The following MAML3 variants were observed in gnomAD, a reference collection of about 807,000 sequenced individuals.
MAML3 encodes mastermind-like protein 3.
MAML3 carries 27 observed loss-of-function variants against 101.9 expected under a neutral mutation model. That is an observed-to-expected ratio of 0.27 (90% CI 0.20 to 0.37). The LOEUF is 0.37. Ranked by LOEUF, MAML3 falls within the 10% of genes least tolerant of loss-of-function variation. The pLI is 1.00. For synonymous variants in MAML3, 501 were observed against 555.9 expected (o/e 0.90, Z 1.39); for missense variants, 1,316 against 1,444.9 (o/e 0.91, Z 1.45).
In MAML3 at chr4:139,735,538, C is replaced by A. The variant is rs1728903108; in HGVS notation, c.2080-4871G>T. Among the ~76,000 whole-genome samples the A allele has an allele frequency of 6.6e-6, 1 of 152,062 alleles. No homozygotes were observed. Among genetic ancestry groups the A allele is most frequent in the Admixed American group, 6.5e-5 (1 of 15,278 alleles). On this transcript the variant is annotated intron_variant, in intron 2 of 4. Coordinates refer to ENST00000509479, the MANE Select transcript of MAML3 (RefSeq NM_018717.5). The surrounding 1 kb of genome is among the most constrained non-coding windows in gnomAD (Gnocchi z 5.8). ...CGGGAGGGACCGGGTTCCAGGACCC[C>A]AGCTGCACAAAGCCGGCCCGGGGAG...
chr4:140,084,970 C>T (rs1057352673), intron 1 of MAML3, among the ~76,000 whole-genome samples: 4 of 152,036 alleles, frequency 2.6e-5, no homozygotes, highest in Non-Finnish European at 5.9e-5. Flanking sequence ...TAACGGTTTA[C>T]ATTGGGTTAT....
chr4:139,850,950 T>C (rs1222910932), intron 2 of MAML3, among the ~76,000 whole-genome samples: 2 of 151,938 alleles, frequency 1.3e-5, no homozygotes, highest in African/African-American at 4.8e-5. Flanking sequence ...ATGTAAGATA[T>C]GGTTGACATT....
chr4:140,024,554 C>G (rs563888724), intron 1 of MAML3, among the ~76,000 whole-genome samples: 1 of 152,302 alleles, frequency 6.6e-6, no homozygotes, highest in South Asian at 2.1e-4. Context: ...GCATAAGCCA[C>G]TGAGCCCGGC....
chr4:139,955,717 C>A (rs1264667403), intron 1 of MAML3, among the ~76,000 whole-genome samples: 2 of 152,154 alleles, frequency 1.3e-5, no homozygotes, highest in African/African-American at 4.8e-5. Flanking sequence ...GGTTCTCCTC[C>A]TTTTCTGAGC....
At chr4:139,889,312 T>C in intron 2 of MAML3, 45 bp downstream of exon 2, 1 of 1,613,748 alleles carries the variant, frequency 6.2e-7, no homozygotes, top group African/African-American at 1.3e-5. Flanking sequence ...CAGTCTGAAA[T>C]GCACCACAAG....
chr4:140,119,608 TC>T (rs1728571966), intron 1 of MAML3, among the ~76,000 whole-genome samples: 1 of 72,558 alleles, frequency 1.4e-5, no homozygotes, highest in Non-Finnish European at 2.8e-5. Flanking sequence ...CCTCCCTCCC[TC>T]CCTTCCTTCC....
At chr4:139,998,324 C>T (rs994511751) in intron 1 of MAML3, among the ~76,000 whole-genome samples, 1 of 150,776 alleles carries the variant, frequency 6.6e-6, no homozygotes, top group African/African-American at 2.4e-5. Context: ...ACTTTTAACT[C>T]CAGAATTTGG....
At chr4:139,864,674 C>CAAAAAA (rs70943450) in intron 2 of MAML3, among the ~76,000 whole-genome samples, 162 of 69,168 alleles carry the variant, frequency 2.3e-3, no homozygotes, top group Middle Eastern at 0.013. Context: ...GGCTCCGTCT[C>CAAAAAA]AAAAAAAAAA....
rs759366309 is a variant in MAML3, at chr4:140,152,997, C to A, written c.331G>T (p.Val111Leu). The change falls in exon 1 of 5, where the codon GTG becomes TTG. Residue 111 changes from valine (V) to leucine (L), a missense_variant. Val to Leu is a conservative substitution (Grantham distance 32). Transcript: ENST00000509479. ...TCCAGGGTCCGCTGGTAGAGGCTCA[C>A]GGTGTCCCGGCGCTCCAGCTCCAGC... ...EQLELERRDT[V>L]SLYQRTLEQR... is the part of the protein sequence containing the mutation. 5 of 1,607,800 alleles carry A rather than the reference C, an allele frequency of 3.1e-6. No individual in the cohort carries two copies. The East Asian group carries it at 1.1e-4, about 36-fold the overall frequency.
chr4:139,967,256 C>A (rs913925369), intron 1 of MAML3, among the ~76,000 whole-genome samples: 1 of 151,930 alleles, frequency 6.6e-6, no homozygotes, highest in Non-Finnish European at 1.5e-5. Context: ...AGGCAGTCGC[C>A]CCCTCAAAAT....
At chr4:139,805,191 A>G (rs1730681503) in intron 2 of MAML3, among the ~76,000 whole-genome samples, 1 of 152,184 alleles carries the variant, frequency 6.6e-6, no homozygotes, top group Non-Finnish European at 1.5e-5. Context: ...TCTCAAAACA[A>G]CAACAACAAC....
At chr4:139,804,574 G>T (rs1380516816) in intron 2 of MAML3, among the ~76,000 whole-genome samples, 3 of 152,048 alleles carry the variant, frequency 2.0e-5, no homozygotes, top group African/African-American at 7.2e-5. Flanking sequence ...GCCTCACTAA[G>T]AATTTTAATA....
At chr4:139,906,091 T>C (rs904638435) in intron 1 of MAML3, among the ~76,000 whole-genome samples, 8 of 152,158 alleles carry the variant, frequency 5.3e-5, no homozygotes, top group African/African-American at 1.7e-4. Flanking sequence ...TTTAACAATA[T>C]GTATACTCCT....
chr4:139,915,176 G>A (rs909180655), intron 1 of MAML3, among the ~76,000 whole-genome samples: 1 of 152,132 alleles, frequency 6.6e-6, no homozygotes, highest in African/African-American at 2.4e-5. Context: ...GTTGTTGGAG[G>A]AGCAAGGAAA....
At chr4:140,096,624 C>A (rs886961166) in intron 1 of MAML3, among the ~76,000 whole-genome samples, 1 of 152,126 alleles carries the variant, frequency 6.6e-6, no homozygotes, top group African/African-American at 2.4e-5. Context: ...TGGCAAGAGG[C>A]TGCTGGGGAC....
chr4:139,974,075 C>G (rs1052456679), intron 1 of MAML3, among the ~76,000 whole-genome samples: 3 of 151,390 alleles, frequency 2.0e-5, no homozygotes, highest in African/African-American at 7.3e-5. Flanking sequence ...ACCAAACCAC[C>G]TAAAAATCAA....
intron 1 of MAML3, among the ~76,000 whole-genome samples, chr4:140,060,136 C>T (rs1165840401): frequency 2.0e-5 from 3 of 151,888 alleles, no homozygotes; most frequent in African/African-American, 4.8e-5. Flanking sequence ...GAGGCTGAGG[C>T]GGGTGGATCA....
intron 2 of MAML3, among the ~76,000 whole-genome samples, chr4:139,880,885 G>A (rs1222080795): frequency 2.6e-5 from 4 of 152,090 alleles, no homozygotes; most frequent in African/African-American, 9.7e-5. Flanking sequence ...TCACAATACA[G>A]GAATAAAAAT....
chr4:139,896,711 G>A (rs1248206203), intron 1 of MAML3, among the ~76,000 whole-genome samples: 1 of 151,972 alleles, frequency 6.6e-6, no homozygotes, highest in East Asian at 1.9e-4. Flanking sequence ...AGAATGGGGA[G>A]TGGGAGGGTT....
Sources: gnomAD v4.1 joint callset for allele counts (sites outside exome capture counted in the v4.1 genomes callset) on GRCh38, gnomAD v4.1.1 for gene constraint, Gnocchi (gnomAD v3.1) non-coding constraint, MANE v1.5 for transcripts, NCBI Gene and HGNC (gene_info 2026-07-23, HGNC 2026-07-21) for gene names.